SMTN: variants seen among roughly 807,000 people sequenced by gnomAD.
SMTN encodes smoothelin.
SMTN carries 58 observed loss-of-function variants against 102.0 expected under a neutral mutation model. That is an observed-to-expected ratio of 0.57 (90% CI 0.46 to 0.71). SMTN has a LOEUF of 0.71. SMTN is among the 30% of genes least tolerant of loss of function. The pLI is 0.00. For synonymous variants in SMTN, 478 were observed against 497.9 expected (o/e 0.96, Z 0.53); for missense variants, 1,185 against 1,241.7 (o/e 0.95, Z 0.69).
At chr22:31,102,443 G>A (rs2044164339) in intron 20 of SMTN, 1 of 152,364 alleles carries the variant, frequency 6.6e-6, no homozygotes, top group Non-Finnish European at 1.5e-5. Flanking sequence ...TGACAGGTAG[G>A]GGCACACTCA....
At position 31,091,319 on chromosome 22, in the gene SMTN, G is replaced by C. The variant is rs763294143; in HGVS notation, c.1296G>C (p.Gly432=). 6.2e-6 allele frequency: 10 copies of C among 1,604,596 alleles called. No individual in the cohort carries two copies. The highest frequency in any genetic ancestry group is 6.8e-6 in the Non-Finnish European group (8 of 1,177,292). The change falls in exon 10 of 21, where the codon GGG becomes GGC. Residue 432 remains glycine, a synonymous_variant. Coordinates refer to ENST00000333137, the MANE Select transcript of SMTN (RefSeq NM_134269.3). The part of the protein sequence containing the change: ...AARPLENRAG[G]PVARSEEPGA... ...GGCCCCTTGAAAACAGAGCAGGGGG[G>C]CCTGTGGCACGTTCAGAGGAGCCTG...
rs1455277728 is a variant in SMTN at position 31,065,954 on chromosome 22, T to A, written c.-386+1767T>A. On this transcript the variant is annotated intron_variant, in intron 1 of 3. Coordinates refer to the SMTN transcript ENST00000422839. ...TCATTCTCCTTCTGCAGTGCTCAGC[T>A]CTGGCCTCTCCTCTCCTGTTTGCAT... 2.6e-5 allele frequency: 4 copies of A among 152,472 alleles called. No homozygotes were observed. In the East Asian group the frequency reaches 7.7e-4, roughly 29 times the overall value. The allele number at this position is 152,472 out of a possible 1,614,324, so 9.4% of individuals were successfully genotyped here.
chr22:31,066,025 T>G (rs1306905342), intron 1 of SMTN: 1 of 152,270 alleles, frequency 6.6e-6, no homozygotes, highest in African/African-American at 2.4e-5. Flanking sequence ...GACTTCTGTC[T>G]GTCCTCCCTG....
At chr22:31,086,383 A>T (rs1441508594) in intron 2 of SMTN, among the ~76,000 whole-genome samples, 1 of 152,184 alleles carries the variant, frequency 6.6e-6, no homozygotes, top group Non-Finnish European at 1.5e-5. Flanking sequence ...TCATCTGTCA[A>T]ATGGGAATAA....
chr22:31,100,748 C>CTGTG (rs1485043018), intron 19 of SMTN, 137 bp from the exon 20 acceptor site: 12 of 584,500 alleles, frequency 2.1e-5, no homozygotes, highest in South Asian at 4.0e-5. Flanking sequence ...ACTCATGTCT[C>CTGTG]TGTGTGTGTG....
chr22:31,082,530 C>T (rs958322136), intron 1 of SMTN: 1 of 489,444 alleles, frequency 2.0e-6, no homozygotes, highest in Admixed American at 2.3e-5. Flanking sequence ...GCCTGAAATC[C>T]AGGGGTTGGG....
At chr22:31,089,571 C>T in intron 6 of SMTN, 128 bp from the exon 7 acceptor site, 1 of 811,804 alleles carries the variant, frequency 1.2e-6, no homozygotes, top group South Asian at 1.6e-5. Flanking sequence ...GGTGTGCCTA[C>T]AGGAAGCCAT....
intron 11 of SMTN, among the ~76,000 whole-genome samples, chr22:31,094,990 C>T (rs1434699749): frequency 6.6e-6 from 1 of 152,160 alleles, no homozygotes; most frequent in African/African-American, 2.4e-5. Context: ...CCCGGCCTTC[C>T]CTTCTGTTAA....
intron 2 of SMTN, 159 bp downstream of exon 2, chr22:31,083,468 C>G (rs537292102): frequency 2.6e-5 from 23 of 873,986 alleles, no homozygotes; most frequent in Admixed American, 3.0e-5. Flanking sequence ...GTGGCTGATG[C>G]AGAGGCCCTT....
chr22:31,103,077 T>G (rs1230605000), intron 20 of SMTN: 1 of 152,270 alleles, frequency 6.6e-6, no homozygotes, highest in Non-Finnish European at 1.5e-5. Context: ...GGATACAGTC[T>G]GGACTAAAAC....
intron 1 of SMTN, among the ~76,000 whole-genome samples, chr22:31,072,322 T>C (rs1182618952): frequency 2.0e-5 from 3 of 152,170 alleles, no homozygotes; most frequent in Admixed American, 1.3e-4. Context: ...CAGTAAAGAA[T>C]TGACAGAGTT....
Position 31,088,728 on chromosome 22 carries a change from C to A in SMTN, c.324C>A (p.Arg108=), listed in dbSNP as rs752645762. The change falls in exon 5 of 21, where the codon CGC becomes CGA. Residue 108 remains arginine, a synonymous_variant. Transcript: ENST00000333137. ...LLRSAGEYEE[R]KLIRAAIRRV... ...GAAGCGCTGGTGAGTATGAGGAGCGCAAGCTGATCCGAGCTGCCATCCGCC... is the reference window on the plus strand; with the variant it reads ...GAAGCGCTGGTGAGTATGAGGAGCGAAAGCTGATCCGAGCTGCCATCCGCC... 1.2e-6 allele frequency: 2 copies of A among 1,613,578 alleles called. No individual in the cohort carries two copies. Among genetic ancestry groups the A allele is most frequent in the South Asian group, 2.2e-5 (2 of 91,004 alleles).
At chr22:31,074,729 G>A (rs5997865) in intron 1 of SMTN, among the ~76,000 whole-genome samples, 187 of 152,168 alleles carry the variant, frequency 1.2e-3, no homozygotes, top group African/African-American at 4.3e-3. Context: ...CCCAGGAAGC[G>A]GAGGTTGCAG....
Position 31,091,184 on chromosome 22 carries a change from T to G in SMTN, c.1161T>G (p.Ser387Arg), listed in dbSNP as rs762824971. The change falls in exon 10 of 21, where the codon AGT (serine) becomes AGG (arginine). Residue 387 changes from serine (S) to arginine (R), a missense_variant. Coordinates refer to ENST00000333137, the MANE Select transcript of SMTN (RefSeq NM_134269.3). ...SSSGSSSRGPSDTSSRFSKEQ... is the reference protein window; with the variant it reads ...SSSGSSSRGPRDTSSRFSKEQ... ...GCGGCTCCTCCTCTCGGGGCCCCAGTGATACCTCCTCCCGGTTCAGCAAGG... is the reference window on the plus strand; with the variant it reads ...GCGGCTCCTCCTCTCGGGGCCCCAGGGATACCTCCTCCCGGTTCAGCAAGG... 15 of 1,613,406 alleles carry G rather than the reference T, an allele frequency of 9.3e-6. No homozygotes were observed. Among genetic ancestry groups the G allele is most frequent in the Non-Finnish European group, 1.3e-5 (15 of 1,179,766 alleles).
rs747352648 is a variant in SMTN at position 31,085,241 on chromosome 22, A to G, written c.51+1932A>G. 29 of 1,531,506 alleles carry G rather than the reference A, an allele frequency of 1.9e-5. No individual in the cohort carries two copies. In the South Asian group the frequency reaches 3.4e-4, roughly 18 times the overall value. 94.9% of individuals were successfully genotyped at this position (1,531,506 alleles called of 1,614,324 possible). On this transcript the variant is annotated intron_variant, in intron 2 of 20. Coordinates refer to ENST00000333137, the MANE Select transcript of SMTN (RefSeq NM_134269.3). ...AGATCCGGACACTGAAGCAGGCGGT[A>G]GCGGGTGTCTTCCTACCTGGCTACC...
chr22:31,083,481 G>A (rs1284290709), intron 2 of SMTN, 172 bp downstream of exon 2: 1 of 767,710 alleles, frequency 1.3e-6, no homozygotes, highest in African/African-American at 1.8e-5. Flanking sequence ...AGGCCCTTGT[G>A]GCATGTGCCT....
In SMTN at chr22:31,099,858, C is replaced by T; in HGVS notation, c.2565C>T (p.Asn855=). The T allele has an allele frequency of 6.2e-7, 1 of 1,614,094 alleles. No individual in the cohort carries two copies. The highest frequency in any genetic ancestry group is 8.5e-7 in the Non-Finnish European group (1 of 1,179,942). ...ACTATGGGCAGCTTAGCCCTCAGAA[C>T]CGACGCCAGAACTTCGAGGTGGCCT... ...AFDYGQLSPQ[N]RRQNFEVAFS... is the part of the protein sequence containing the mutation. Residue 855 remains asparagine, a synonymous_variant, in exon 19 of 21, where the codon AAC becomes AAT. Coordinates refer to ENST00000333137, the MANE Select transcript of SMTN (RefSeq NM_134269.3).
At chr22:31,103,516 C>T (rs540944511) in intron 20 of SMTN, 1 of 152,440 alleles carries the variant, frequency 6.6e-6, no homozygotes, top group Non-Finnish European at 1.5e-5. Flanking sequence ...GCGGCCTAGC[C>T]TGCACTTACT....
At chr22:31,091,893 C>T (rs1336927481) in intron 11 of SMTN, 46 bp downstream of exon 11, 1 of 1,484,140 alleles carries the variant, frequency 6.7e-7, no homozygotes, top group Non-Finnish European at 9.1e-7. Flanking sequence ...GTCAGCCTCA[C>T]ATACACTGCT....
Sources: allele counts gnomAD v4.1 joint callset (sites outside exome capture counted in the v4.1 genomes callset), GRCh38; gene constraint gnomAD v4.1.1; transcripts MANE v1.5; gene names NCBI Gene and HGNC (gene_info 2026-07-23, HGNC 2026-07-21).